The following FAM178B variants were observed in gnomAD, a reference collection of about 807,000 sequenced individuals.
FAM178B encodes protein FAM178B.
FAM178B carries 82 observed loss-of-function variants against 91.7 expected under a neutral mutation model. The observed-to-expected ratio is 0.89, with a 90% confidence interval of 0.75 to 1.07. The LOEUF is 1.07. FAM178B is among the 50% of genes least tolerant of loss of function. The pLI, the probability that FAM178B is intolerant of heterozygous loss-of-function variation, is 0.00. For missense variants in FAM178B, 769 were observed against 846.7 expected, an observed-to-expected ratio of 0.91 and a Z score of 1.14; for synonymous variants, 368 against 359.4, an observed-to-expected ratio of 1.02 and a Z score of -0.27.
Position 96,923,555 on chromosome 2 carries a change from C to T in FAM178B, c.1222G>A (p.Glu408Lys), listed in dbSNP as rs1228977979. Residue 408 changes from glutamate (E) to lysine (K), a missense_variant, in exon 10 of 17, where the codon GAG (glutamate) becomes AAG (lysine). Transcript: ENST00000490605. The stretch of plus-strand genomic sequence containing the variant: ...TGGGGAGCGTCCTGCTCCTCATTCT[C>T]ATTCAGGCCAGCCTCGCCTGGAAGC... The part of the protein sequence containing the change: ...RVLPGEAGLN[E>K]NEEQDAPQEI... 3 of 1,551,578 alleles carry T rather than the reference C, an allele frequency of 1.9e-6. No homozygotes were observed. The highest frequency in any genetic ancestry group is 2.7e-5 in the African/African-American group (2 of 73,058).
chr2:96,966,245 T>C (rs1257013), intron 5 of FAM178B, among the ~76,000 whole-genome samples: 82,835 of 151,836 alleles, frequency 0.55, 27,959 homozygotes, highest in Non-Finnish European at 0.76. Context: ...TTAGAAGACC[T>C]GCTCACAAGG....
chr2:96,980,512 C>G (rs1191866691), intron 1 of FAM178B, among the ~76,000 whole-genome samples: 1 of 152,188 alleles, frequency 6.6e-6, no homozygotes, highest in East Asian at 1.9e-4. Flanking sequence ...ATCCTCCTGC[C>G]TTAACTTAGC....
At chr2:96,904,053 G>A (rs974210268) in intron 12 of FAM178B, among the ~76,000 whole-genome samples, 1 of 152,154 alleles carries the variant, frequency 6.6e-6, no homozygotes, top group Non-Finnish European at 1.5e-5. Flanking sequence ...ACACACAGCT[G>A]GCAGGATATT....
intron 9 of FAM178B, among the ~76,000 whole-genome samples, chr2:96,927,358 C>T (rs966327114): frequency 6.6e-6 from 1 of 152,210 alleles, no homozygotes; most frequent in Non-Finnish European, 1.5e-5. Flanking sequence ...ATCAGCCCTG[C>T]GGCTGTCAGC....
intron 14 of FAM178B, among the ~76,000 whole-genome samples, chr2:96,888,336 C>A (rs746650782): frequency 2.0e-5 from 3 of 152,228 alleles, no homozygotes; most frequent in Non-Finnish European, 2.9e-5. Flanking sequence ...GACCAAGGTC[C>A]CCAGCCCAGT....
chr2:96,878,301 C>T, intron 15 of FAM178B, 115 bp downstream of exon 15: 3 of 1,025,822 alleles, frequency 2.9e-6, no homozygotes, highest in Non-Finnish European at 4.4e-6. Context: ...CTCAGCCTCC[C>T]ACTCTCTGCA....
chr2:96,878,363 G>C, intron 15 of FAM178B, 53 bp downstream of exon 15: 1 of 1,553,458 alleles, frequency 6.4e-7, no homozygotes, highest in African/African-American at 1.4e-5. Context: ...CCGCTTGGGG[G>C]AGAAGACACA....
At position 96,907,246 on chromosome 2, in the gene FAM178B, G is replaced by C. The variant is rs1449314355; in HGVS notation, c.1563-4539C>G. On this transcript the variant is annotated intron_variant, in intron 12 of 16. Transcript: ENST00000490605. ...TTAGTTCCCACTGGGACACAGCAAG[G>C]AGGGGGCAGGGGGCGGGGCGAGACC... Among the ~76,000 whole-genome samples the C allele has an allele frequency of 3.3e-5, 5 of 152,316 alleles. No individual in the cohort carries two copies. In the East Asian group the frequency reaches 9.6e-4, roughly 29 times the overall value.
At chr2:96,963,703 T>C (rs544236404) in intron 5 of FAM178B, among the ~76,000 whole-genome samples, 10 of 152,366 alleles carry the variant, frequency 6.6e-5, no homozygotes, top group African/African-American at 2.4e-4. Flanking sequence ...GTGTGGGGCC[T>C]GTTTCTGCAA....
intron 8 of FAM178B, among the ~76,000 whole-genome samples, chr2:96,941,712 A>T (rs1189764591): frequency 6.6e-6 from 1 of 152,212 alleles, no homozygotes; most frequent in Non-Finnish European, 1.5e-5. Flanking sequence ...AATATTATAG[A>T]AGCCAACAGA....
intron 5 of FAM178B, among the ~76,000 whole-genome samples, chr2:96,961,315 GT>G (rs1158881519): frequency 1.5e-5 from 2 of 134,826 alleles, no homozygotes; most frequent in African/African-American, 5.1e-5. Flanking sequence ...AGCAGAGGGT[GT>G]GTGTGTGTGT....
intron 1 of FAM178B, among the ~76,000 whole-genome samples, chr2:96,973,873 C>T (rs536598030): frequency 1.3e-5 from 2 of 151,928 alleles, no homozygotes; most frequent in African/African-American, 4.8e-5. Context: ...CATGGTGGCA[C>T]ACGCCTGTAA....
intron 13 of FAM178B, 111 bp downstream of exon 13, chr2:96,902,509 G>T (rs1186662599): frequency 1.4e-6 from 1 of 732,552 alleles, no homozygotes; most frequent in Non-Finnish European, 2.4e-6. Context: ...AACATGAGTA[G>T]AGAGTTCAGA....
At chr2:96,905,729 G>A (rs2153369537) in intron 12 of FAM178B, among the ~76,000 whole-genome samples, 1 of 147,576 alleles carries the variant, frequency 6.8e-6, no homozygotes, top group South Asian at 2.2e-4. Flanking sequence ...CTGAGGTTGG[G>A]AGTTCAAGAC....
intron 9 of FAM178B, among the ~76,000 whole-genome samples, chr2:96,928,240 C>T (rs1388307025): frequency 6.6e-6 from 1 of 152,166 alleles, no homozygotes; most frequent in Admixed American, 6.5e-5. Context: ...ATACAACAGC[C>T]CCTCCAGGCT....
intron 1 of FAM178B, among the ~76,000 whole-genome samples, chr2:96,973,039 G>A (rs1341227651): frequency 1.3e-5 from 2 of 151,578 alleles, no homozygotes; most frequent in Non-Finnish European, 2.9e-5. Flanking sequence ...CCCGTCTCTA[G>A]TAAAATAAAA....
At chr2:96,944,241 C>CA (rs397868752) in intron 8 of FAM178B, among the ~76,000 whole-genome samples, 1,854 of 56,066 alleles carry the variant, frequency 0.033, 41 homozygotes, top group African/African-American at 0.056. Flanking sequence ...GACTCCATCT[C>CA]AAAAAAAAAA....
chr2:96,950,430 C>G (rs1397480221), intron 7 of FAM178B, among the ~76,000 whole-genome samples: 2 of 152,158 alleles, frequency 1.3e-5, no homozygotes, highest in Non-Finnish European at 2.9e-5. Context: ...ACCCAGAGCA[C>G]GAAGGGAGAG....
At chr2:96,950,797 C>A (rs1218693362) in intron 7 of FAM178B, among the ~76,000 whole-genome samples, 2 of 152,216 alleles carry the variant, frequency 1.3e-5, no homozygotes, top group Admixed American at 6.5e-5. Context: ...ACAGCCAGAG[C>A]AGCCGTTCCA....
Sources: gnomAD v4.1 joint callset for allele counts (sites outside exome capture counted in the v4.1 genomes callset) on GRCh38, gnomAD v4.1.1 for gene constraint, MANE v1.5 for transcripts, NCBI Gene and HGNC (gene_info 2026-07-23, HGNC 2026-07-21) for gene names.